EPB41L4A: variants seen among roughly 807,000 people sequenced by gnomAD.
The protein encoded by EPB41L4A is erythrocyte membrane protein band 4.1 like 4A.
Under a neutral mutation model 108.6 loss-of-function variants are expected in EPB41L4A, and 100 were observed. The ratio of observed to expected loss-of-function variants is 0.92; its 90% CI spans 0.78 to 1.09. The LOEUF (loss-of-function observed/expected upper bound fraction) is 1.09. Ranked by LOEUF, EPB41L4A falls within the 50% of genes least tolerant of loss-of-function variation. EPB41L4A has a pLI of 0.00. For synonymous variants in EPB41L4A, 319 were observed against 289.0 expected, an observed-to-expected ratio of 1.10 and a Z score of -1.05; for missense variants, 1,030 against 842.7, an observed-to-expected ratio of 1.22 and a Z score of -2.75.
chr5:112,220,256 T>C (rs1247675629), intron 12 of EPB41L4A, among the ~76,000 whole-genome samples: 2 of 152,212 alleles, frequency 1.3e-5, no homozygotes, highest in Non-Finnish European at 2.9e-5. Flanking sequence ...TGATATATTA[T>C]CCAAAATTAT....
intron 1 of EPB41L4A, among the ~76,000 whole-genome samples, chr5:112,414,405 C>T (rs1311253643): frequency 6.6e-6 from 1 of 152,156 alleles, no homozygotes; most frequent in African/African-American, 2.4e-5. Flanking sequence ...TGATTATGCC[C>T]ATCAGGGAAG....
intron 1 of EPB41L4A, among the ~76,000 whole-genome samples, chr5:112,360,868 C>T (rs1315820546): frequency 1.3e-5 from 2 of 151,976 alleles, no homozygotes; most frequent in East Asian, 1.9e-4. Context: ...ATGTGAGGAG[C>T]GCCTCTGCCC....
intron 13 of EPB41L4A, chr5:112,143,901 G>C (rs1207369669): frequency 2.2e-6 from 1 of 454,190 alleles, no homozygotes; most frequent in Middle Eastern, 3.3e-4. Context: ...AGAAAAGAAG[G>C]GGGAAATGTG....
chr5:112,225,882 T>C (rs1016029759), intron 12 of EPB41L4A, among the ~76,000 whole-genome samples: 2 of 152,252 alleles, frequency 1.3e-5, no homozygotes, highest in Non-Finnish European at 2.9e-5. Context: ...TTTGTGACTC[T>C]GTACAAGTCT....
In EPB41L4A at chr5:112,164,787, C is replaced by T. The variant is rs959880708; in HGVS notation, c.*203G>A. The T allele has an allele frequency of 1.7e-5, 7 of 403,152 alleles. No homozygotes were observed. Among genetic ancestry groups the T allele is most frequent in the East Asian group, 4.9e-5 (1 of 20,408 alleles). The allele number at this position is 403,152 out of a possible 1,614,324, so 25.0% of individuals were successfully genotyped here. A position where few individuals can be genotyped will look rare whatever the true frequency, so the allele number is the denominator to read the frequency against. On this transcript the variant is annotated 3_prime_UTR_variant, in exon 23 of 23. Transcript: ENST00000261486. The stretch of plus-strand genomic sequence containing the variant: ...AAGTGGAGGCTGCGGTGAGCTGACA[C>T]GGTGCCGCTGCACTCCAGCCTGGGC...
chr5:112,245,077 G>C (rs1750108587), intron 9 of EPB41L4A, among the ~76,000 whole-genome samples: 3 of 148,270 alleles, frequency 2.0e-5, no homozygotes, highest in Admixed American at 2.0e-4. Flanking sequence ...AAAAAACACA[G>C]TATCTGCAAA....
intron 1 of EPB41L4A, among the ~76,000 whole-genome samples, chr5:112,402,379 A>G (rs1050523442): frequency 2.6e-5 from 4 of 152,064 alleles, no homozygotes; most frequent in Admixed American, 2.6e-4. Context: ...AGAACAGACT[A>G]ATACAACTGG....
intron 1 of EPB41L4A, among the ~76,000 whole-genome samples, chr5:112,351,888 G>A (rs1001416184): frequency 3.3e-5 from 5 of 152,132 alleles, no homozygotes; most frequent in African/African-American, 1.2e-4. Flanking sequence ...CAGAATGAAA[G>A]AAAAGAACCA....
At chr5:112,297,931 G>A (rs184992220) in intron 2 of EPB41L4A, among the ~76,000 whole-genome samples, 3 of 152,060 alleles carry the variant, frequency 2.0e-5, no homozygotes, top group Admixed American at 1.3e-4. Context: ...ATGGTCAGTT[G>A]GCTATAAGTA....
At chr5:112,396,102 G>T (rs1761327695) in intron 1 of EPB41L4A, among the ~76,000 whole-genome samples, 1 of 152,146 alleles carries the variant, frequency 6.6e-6, no homozygotes, top group South Asian at 2.1e-4. Flanking sequence ...CCTGTCGTGG[G>T]GTTGGGGGAA....
chr5:112,349,679 C>A (rs1757915128), intron 1 of EPB41L4A, among the ~76,000 whole-genome samples: 1 of 152,138 alleles, frequency 6.6e-6, no homozygotes, highest in Non-Finnish European at 1.5e-5. Flanking sequence ...AAGAGACGCC[C>A]ACCATGGGTG....
At chr5:112,295,059 G>A (rs1372864111) in intron 2 of EPB41L4A, among the ~76,000 whole-genome samples, 1 of 152,200 alleles carries the variant, frequency 6.6e-6, no homozygotes, top group East Asian at 1.9e-4. Context: ...CAGAGATGGA[G>A]ACTGATTCTA....
intron 2 of EPB41L4A, among the ~76,000 whole-genome samples, chr5:112,294,946 T>C (rs1485600458): frequency 6.6e-6 from 1 of 152,116 alleles, no homozygotes; most frequent in South Asian, 2.1e-4. Context: ...AAAACTGCAA[T>C]TGCAGTGGGG....
Position 112,170,947 on chromosome 5 carries a change from A to T in EPB41L4A, c.1668T>A (p.Ile556=). The change falls in exon 19 of 23, where the codon ATT becomes ATA. Residue 556 remains isoleucine, a splice_region_variant and synonymous_variant. Transcript: ENST00000261486. ...IQAKEELWKH[I]QKELVDPSGL... is the part of the protein sequence containing the mutation. ...TAAGAAAGAAAACTATTACTCACTGAATGTGCTTCCATAACTCTTCTTTTG... is the reference window on the plus strand; with the variant it reads ...TAAGAAAGAAAACTATTACTCACTGTATGTGCTTCCATAACTCTTCTTTTG... The T allele has an allele frequency of 6.2e-7, 1 of 1,613,160 alleles. No homozygotes were observed. The highest frequency in any genetic ancestry group is 2.2e-5 in the East Asian group (1 of 44,862).
intron 12 of EPB41L4A, among the ~76,000 whole-genome samples, chr5:112,146,692 G>A (rs886309639): frequency 2.6e-5 from 4 of 152,022 alleles, no homozygotes; most frequent in Non-Finnish European, 5.9e-5. Context: ...AAGACCAGTC[G>A]AGCTGCCTAA....
upstream of EPB41L4A, chr5:112,419,660 G>A (rs1762974429): frequency 4.4e-6 from 2 of 456,548 alleles, no homozygotes; most frequent in South Asian, 3.1e-5. Flanking sequence ...ATGGGCGCAG[G>A]GGCAGAGGCG....
intron 1 of EPB41L4A, among the ~76,000 whole-genome samples, chr5:112,374,675 C>A (rs529990383): frequency 3.0e-4 from 46 of 152,286 alleles, no homozygotes; most frequent in African/African-American, 1.0e-3. Context: ...AAGAATCATA[C>A]CTGGTTTGGG....
intron 1 of EPB41L4A, among the ~76,000 whole-genome samples, chr5:112,411,288 G>A (rs1206866347): frequency 6.6e-6 from 1 of 152,094 alleles, no homozygotes; most frequent in Non-Finnish European, 1.5e-5. Flanking sequence ...GGCAATGTGA[G>A]TAGATGCACA....
exon 14 of EPB41L4A, chr5:112,143,638 T>C: frequency 4.8e-6 from 1 of 206,988 alleles, no homozygotes; most frequent in Non-Finnish European, 1.0e-5. Context: ...GCAGACAGGC[T>C]TTCTCTACAA....
Sources: allele counts gnomAD v4.1 joint callset (sites outside exome capture counted in the v4.1 genomes callset), GRCh38; gene constraint gnomAD v4.1.1; transcripts MANE v1.5; gene names NCBI Gene and HGNC (gene_info 2026-07-23, HGNC 2026-07-21).